Variants in PPFIBP2 observed in about 807,000 individuals in gnomAD.
PPFIBP2 encodes liprin-beta-2.
Under a neutral mutation model 118.3 loss-of-function variants are expected in PPFIBP2, and 118 were observed. The observed-to-expected ratio is 1.00, with a 90% CI of 0.86 to 1.16. The LOEUF (loss-of-function observed/expected upper bound fraction) is 1.16. Ranked by LOEUF, PPFIBP2 falls within the 50% of genes most tolerant of loss-of-function variation. PPFIBP2 has a pLI of 0.00. For synonymous variants in PPFIBP2, 414 were observed against 397.4 expected (o/e 1.04, Z -0.50); for missense variants, 1,195 against 1,073.1 (o/e 1.11, Z -1.59).
At chr11:7,665,730 C>T in the PPFIBP2 span, 1 of 1,205,036 alleles carries the variant, frequency 8.3e-7, no homozygotes, top group Non-Finnish European at 1.1e-6. Context: ...CTGCAGCAAT[C>T]ACCCCAGGTC....
intron 15 of PPFIBP2, among the ~76,000 whole-genome samples, chr11:7,640,362 G>A (rs1852007395): frequency 6.6e-6 from 1 of 152,316 alleles, no homozygotes; most frequent in African/African-American, 2.4e-5. Context: ...GGCAAATGAA[G>A]TCAGTGGCCA....
chr11:7,621,044 A>C lies in PPFIBP2; in HGVS notation c.711+17A>C. The C allele has an allele frequency of 6.4e-7, 1 of 1,562,262 alleles. No homozygotes were observed. The highest frequency in any genetic ancestry group is 1.1e-5 in the South Asian group (1 of 90,000). On this transcript the variant is annotated intron_variant, in intron 7 of 23. Coordinates refer to ENST00000299492, the MANE Select transcript of PPFIBP2 (RefSeq NM_003621.5). ...GCCACTAAGGTAAACGGCACTCCTG[A>C]TGCTTATGGAGAGAGTATGAGGGCC...
rs767186965 is a variant in PPFIBP2, at chr11:7,639,714, T to C, written c.1237-18T>C. The C allele has an allele frequency of 1.6e-5, 26 of 1,613,732 alleles. No homozygotes were observed. In the East Asian group the frequency reaches 5.8e-4, roughly 36 times the overall value. On this transcript the variant is annotated intron_variant, in intron 14 of 23. Coordinates refer to ENST00000299492, the MANE Select transcript of PPFIBP2 (RefSeq NM_003621.5). ...ACAGTTAAGTCGGTATCTCTCTCTTTCTCTCACCTTCCAATAGGACAGCCC... is the reference window on the plus strand; with the variant it reads ...ACAGTTAAGTCGGTATCTCTCTCTTCCTCTCACCTTCCAATAGGACAGCCC...
At chr11:7,635,519 C>G in intron 13 of PPFIBP2, 33 bp from the exon 14 acceptor site, 3 of 1,589,154 alleles carry the variant, frequency 1.9e-6, no homozygotes, top group Non-Finnish European at 2.6e-6. Context: ...CTCTTTTTCT[C>G]CACATAAACG....
chr11:7,536,071 A>G (rs1280417026), intron 1 of PPFIBP2, among the ~76,000 whole-genome samples: 1 of 152,196 alleles, frequency 6.6e-6, no homozygotes, highest in Non-Finnish European at 1.5e-5. Flanking sequence ...AACCTTCACA[A>G]CCACCCTTTC....
At chr11:7,574,105 C>T (rs536379989) in intron 3 of PPFIBP2, 2 of 152,362 alleles carry the variant, frequency 1.3e-5, no homozygotes, top group East Asian at 3.9e-4. Flanking sequence ...GCAAACCTGA[C>T]CACCCTGGCC....
At chr11:7,665,848 GCCAGCTGGAGTTGT>G in the PPFIBP2 span, 1 of 1,535,892 alleles carries the variant, frequency 6.5e-7, no homozygotes, top group Non-Finnish European at 8.7e-7. Flanking sequence ...AATCAGTACA[GCCAGCTGGAGTTGT>G]CCGGCAGGGT....
At chr11:7,643,401 G>A (rs996159426) in intron 17 of PPFIBP2, among the ~76,000 whole-genome samples, 23 of 152,324 alleles carry the variant, frequency 1.5e-4, no homozygotes, top group African/African-American at 5.5e-4. Context: ...AGGAGAGCAT[G>A]GTTAGGGAGC....
chr11:7,657,173 C>G (rs1854760609), downstream of PPFIBP2: 1 of 205,802 alleles, frequency 4.9e-6, no homozygotes, highest in Non-Finnish European at 1.0e-5. Flanking sequence ...TTCATAAAAC[C>G]TGCTGGAAAA....
chr11:7,665,524 G>C, the PPFIBP2 span: 5 of 1,610,936 alleles, frequency 3.1e-6, no homozygotes, highest in African/African-American at 6.7e-5. Context: ...CGGCAGTAAC[G>C]AAGCCTGAGC....
chr11:7,599,269 GGAA>G (rs1245826873), intron 5 of PPFIBP2, among the ~76,000 whole-genome samples: 1 of 152,112 alleles, frequency 6.6e-6, no homozygotes, highest in Admixed American at 6.5e-5. Flanking sequence ...GAAGGATAAG[GGAA>G]GAAGATGATG....
chr11:7,577,887 A>G (rs990069759), intron 3 of PPFIBP2, among the ~76,000 whole-genome samples: 1 of 152,212 alleles, frequency 6.6e-6, no homozygotes, highest in South Asian at 2.1e-4. Context: ...TGGAGTGAGG[A>G]AAGTTGGTTA....
chr11:7,538,940 A>G (rs1313555748), intron 1 of PPFIBP2, among the ~76,000 whole-genome samples: 2 of 152,084 alleles, frequency 1.3e-5, no homozygotes, highest in African/African-American at 4.8e-5. Context: ...GAAACAAGGA[A>G]CCTTGTATGC....
chr11:7,562,204 A>G (rs536722900), intron 2 of PPFIBP2, among the ~76,000 whole-genome samples: 2 of 152,356 alleles, frequency 1.3e-5, no homozygotes, highest in East Asian at 3.9e-4. Context: ...CTAACAGGCC[A>G]TGGACTGGTA....
chr11:7,577,245 C>T, intron 3 of PPFIBP2: 1 of 182,918 alleles, frequency 5.5e-6, no homozygotes, highest in African/African-American at 2.4e-5. Context: ...TCTTTTTTCT[C>T]TACCTTTGTG....
At chr11:7,652,455 G>T (rs903446268) in intron 23 of PPFIBP2, among the ~76,000 whole-genome samples, 24 of 152,230 alleles carry the variant, frequency 1.6e-4, no homozygotes, top group Non-Finnish European at 2.9e-4. Flanking sequence ...TGGAGGCCAG[G>T]CTGGTCCTAT....
chr11:7,530,566 T>C lies in PPFIBP2; in HGVS notation c.-37+16445T>C, dbSNP rs79755929. On this transcript the variant is annotated intron_variant, in intron 1 of 23. Coordinates refer to ENST00000299492, the MANE Select transcript of PPFIBP2 (RefSeq NM_003621.5). The stretch of plus-strand genomic sequence containing the variant: ...GTGAGGACATAGCTGGAAGGCACCA[T>C]CTGTGAACCAAGAAGCAATCCTGCT... Among the ~76,000 whole-genome samples, 936 of 152,312 alleles carry C rather than the reference T, an allele frequency of 6.1e-3. 10 individuals are homozygous for C. The highest frequency in any genetic ancestry group is 0.022 in the African/African-American group (895 of 41,560).
intron 8 of PPFIBP2, among the ~76,000 whole-genome samples, chr11:7,627,274 T>G (rs1304798780): frequency 6.6e-6 from 1 of 152,240 alleles, no homozygotes; most frequent in Non-Finnish European, 1.5e-5. Flanking sequence ...CAAAGTGAGC[T>G]GCAGAGCTGA....
intron 1 of PPFIBP2, among the ~76,000 whole-genome samples, chr11:7,525,986 A>G (rs1850197133): frequency 6.6e-6 from 1 of 152,190 alleles, no homozygotes. Flanking sequence ...ATGAAGGCCT[A>G]TGGTAGTGAT....
Sources: gnomAD v4.1 joint callset for allele counts (sites outside exome capture counted in the v4.1 genomes callset) on GRCh38, gnomAD v4.1.1 for gene constraint, MANE v1.5 for transcripts, NCBI Gene and HGNC (gene_info 2026-07-23, HGNC 2026-07-21) for gene names.